SH3PXD2A: variants seen among roughly 807,000 people sequenced by gnomAD.
SH3PXD2A encodes the protein SH3 and PX domains 2A, also known as SH3 and PX domain-containing protein 2A.
SH3PXD2A carries 32 observed loss-of-function variants against 115.2 expected under a neutral mutation model. That is an observed-to-expected ratio of 0.28 (90% confidence interval 0.21 to 0.37). SH3PXD2A has a LOEUF of 0.37. SH3PXD2A is among the 10% of genes least tolerant of loss of function. The pLI is 1.00. For missense variants in SH3PXD2A, 1,328 were observed against 1,498.7 expected (o/e 0.89, Z 1.88); for synonymous variants, 610 against 629.1 (o/e 0.97, Z 0.45).
intron 3 of SH3PXD2A, among the ~76,000 whole-genome samples, chr10:103,753,317 CAAAAAAA>C (rs60364879): frequency 0.16 from 10,181 of 62,734 alleles, 587 homozygotes; most frequent in Non-Finnish European, 0.18. Context: ...CTGCCTCTAC[CAAAAAAA>C]AAAAAAAAAA....
chr10:103,631,990 A>G (rs2036787333), intron 8 of SH3PXD2A, among the ~76,000 whole-genome samples: 1 of 152,004 alleles, frequency 6.6e-6, no homozygotes, highest in Non-Finnish European at 1.5e-5. Context: ...TCTGGTTCCC[A>G]TGTCTCATCC....
At chr10:103,671,870 C>T (rs1185651787) in intron 6 of SH3PXD2A, among the ~76,000 whole-genome samples, 1 of 152,230 alleles carries the variant, frequency 6.6e-6, no homozygotes, top group Non-Finnish European at 1.5e-5. Context: ...TCTGGTGATC[C>T]AGAACCAACG....
At chr10:103,684,880 C>T (rs1478164936) in intron 6 of SH3PXD2A, among the ~76,000 whole-genome samples, 3 of 151,576 alleles carry the variant, frequency 2.0e-5, no homozygotes, top group Admixed American at 6.6e-5. Flanking sequence ...ACTAACTGGA[C>T]GTGGTGGTGC....
chr10:103,787,110 A>G (rs1210259529), intron 2 of SH3PXD2A, among the ~76,000 whole-genome samples: 1 of 152,168 alleles, frequency 6.6e-6, no homozygotes, highest in East Asian at 1.9e-4. Context: ...CTCCAGACAC[A>G]GGGAGCCTGC....
intron 1 of SH3PXD2A, among the ~76,000 whole-genome samples, chr10:103,811,375 T>C (rs926560221): frequency 3.3e-5 from 5 of 152,246 alleles, no homozygotes; most frequent in Admixed American, 2.6e-4. Context: ...TGCCAATGTA[T>C]TGAGTACTGA....
chr10:103,790,415 A>G (rs1407377047), intron 2 of SH3PXD2A, among the ~76,000 whole-genome samples: 4 of 152,076 alleles, frequency 2.6e-5, no homozygotes, highest in Non-Finnish European at 5.9e-5. Context: ...CGGCCTCCCA[A>G]AATGCTGGGA....
intron 14 of SH3PXD2A, among the ~76,000 whole-genome samples, chr10:103,604,518 T>A (rs903415537): frequency 3.9e-5 from 6 of 152,056 alleles, no homozygotes; most frequent in Admixed American, 3.9e-4. Flanking sequence ...TGTGCTGGGG[T>A]CCATTTGGAC....
At chr10:103,815,438 A>T (rs540162194) in intron 1 of SH3PXD2A, among the ~76,000 whole-genome samples, 1 of 148,564 alleles carries the variant, frequency 6.7e-6, no homozygotes, top group South Asian at 2.1e-4. Flanking sequence ...ACACACACAC[A>T]TATACAGTGT....
intron 11 of SH3PXD2A, among the ~76,000 whole-genome samples, chr10:103,614,962 G>A (rs948348879): frequency 6.6e-6 from 1 of 152,236 alleles, no homozygotes; most frequent in African/African-American, 2.4e-5. Flanking sequence ...TTGGGAGGCA[G>A]AGGTGAGTTA....
chr10:103,764,530 C>A (rs2038734261), intron 3 of SH3PXD2A, among the ~76,000 whole-genome samples: 2 of 152,174 alleles, frequency 1.3e-5, no homozygotes, highest in African/African-American at 2.4e-5. Flanking sequence ...TGCATGGGAG[C>A]TGGAAGGTGT....
chr10:103,639,804 T>C (rs1399644241), intron 8 of SH3PXD2A, among the ~76,000 whole-genome samples: 1 of 151,978 alleles, frequency 6.6e-6, no homozygotes, highest in African/African-American at 2.4e-5. Context: ...GTCACAACTG[T>C]AAATGATGTG....
chr10:103,661,109 C>G lies in SH3PXD2A; in HGVS notation c.478G>C (p.Asp160His). Residue 160 changes from aspartate (D) to histidine (H), a missense_variant, in exon 8 of 15, where the codon GAC becomes CAC. Coordinates refer to ENST00000369774, the MANE Select transcript of SH3PXD2A (RefSeq NM_001394015.1). ...ESPKKDVTGA[D>H]ATAEPMILEQ... ...AGGATCATGGGCTCGGCGGTGGCGT[C>G]GGCACCTGGCGAGGGCAGAAAGCAC... 6.2e-7 allele frequency: 1 copy of G among 1,612,872 alleles called. No homozygotes were observed. Among genetic ancestry groups the G allele is most frequent in the Non-Finnish European group, 8.5e-7 (1 of 1,179,408 alleles).
At chr10:103,741,432 C>T (rs1202636839) in intron 3 of SH3PXD2A, among the ~76,000 whole-genome samples, 1 of 152,202 alleles carries the variant, frequency 6.6e-6, no homozygotes, top group Non-Finnish European at 1.5e-5. Context: ...CTGGCAGTCA[C>T]CCCACTCTGG....
At chr10:103,801,450 A>G in intron 1 of SH3PXD2A, 88 bp from the exon 2 acceptor site, 1 of 787,666 alleles carries the variant, frequency 1.3e-6, no homozygotes, top group East Asian at 2.5e-5. Context: ...CAGGTGTTCC[A>G]TATGGCAGGA....
intron 2 of SH3PXD2A, among the ~76,000 whole-genome samples, chr10:103,774,387 T>A (rs2038858960): frequency 6.6e-6 from 1 of 152,240 alleles, no homozygotes; most frequent in Admixed American, 6.5e-5. Flanking sequence ...ACTTTTAAGT[T>A]TCAAAATTTC....
chr10:103,617,509 T>A (rs2036537488), intron 10 of SH3PXD2A, among the ~76,000 whole-genome samples, 195 bp from the exon 11 acceptor site: 1 of 152,056 alleles, frequency 6.6e-6, no homozygotes, highest in African/African-American at 2.4e-5. Context: ...GGAGCAGAGG[T>A]CACTGCTGCT....
intron 5 of SH3PXD2A, among the ~76,000 whole-genome samples, chr10:103,699,919 G>T (rs184858065): frequency 6.6e-6 from 1 of 152,352 alleles, no homozygotes; most frequent in Non-Finnish European, 1.5e-5. Context: ...AATTCCTGCG[G>T]AGAGAAGGGG....
intron 6 of SH3PXD2A, among the ~76,000 whole-genome samples, chr10:103,686,532 TAAC>T (rs1246668635): frequency 6.6e-6 from 1 of 152,108 alleles, no homozygotes. Flanking sequence ...CAACAACAGC[TAAC>T]AACAACAGGC....
chr10:103,661,216 G>T lies in SH3PXD2A; in HGVS notation c.473-102C>A. The T allele has an allele frequency of 2.9e-6, 4 of 1,370,724 alleles. 1 individual carries two copies. The South Asian group carries it at 4.2e-5, about 14-fold the overall frequency. The allele number at this position is 1,370,724 out of a possible 1,614,324, so 84.9% of individuals were successfully genotyped here. A position where few individuals can be genotyped will look rare whatever the true frequency, so the allele number is the denominator to read the frequency against. ...CCTCCTCGGGGGTGGCTGCTCTGTC[G>T]CCAGCGCCGCTCCCAGGGGCAGCCC... On this transcript the variant is annotated intron_variant, in intron 7 of 14. Coordinates refer to ENST00000369774, the MANE Select transcript of SH3PXD2A (RefSeq NM_001394015.1).
Sources: gnomAD v4.1 joint callset for allele counts (sites outside exome capture counted in the v4.1 genomes callset) on GRCh38, gnomAD v4.1.1 for gene constraint, MANE v1.5 for transcripts, NCBI Gene and HGNC (gene_info 2026-07-23, HGNC 2026-07-21) for gene names.